Variants in THNSL1 observed in about 807,000 individuals in gnomAD.
THNSL1 encodes the protein threonine synthase like 1.
In THNSL1, 48 loss-of-function variants were observed where a neutral mutation model predicts 50.4. The observed-to-expected ratio is 0.95, with a 90% CI of 0.76 to 1.21. THNSL1 has a LOEUF of 1.21. THNSL1 is among the 50% of genes most tolerant of loss of function. The probability of loss-of-function intolerance (pLI) is 0.00; values close to 1 mark genes in which losing one functional copy is unlikely to be tolerated. For missense variants in THNSL1, 896 were observed against 871.7 expected, an observed-to-expected ratio of 1.03 and a Z score of -0.35; for synonymous variants, 309 against 306.1, an observed-to-expected ratio of 1.01 and a Z score of -0.10.
the THNSL1 span, among the ~76,000 whole-genome samples, chr10:24,969,346 T>C: frequency 6.6e-6 from 1 of 152,218 alleles, no homozygotes; most frequent in South Asian, 2.1e-4. Flanking sequence ...TATGAACGTT[T>C]CATAACTCTT....
At chr10:24,984,407 C>A in the THNSL1 span, 1 of 1,546,278 alleles carries the variant, frequency 6.5e-7, no homozygotes. Context: ...AAGTGAAGTT[C>A]TGAGTGCTGA....
chr10:24,994,776 C>T, the THNSL1 span, among the ~76,000 whole-genome samples: 1 of 152,066 alleles, frequency 6.6e-6, no homozygotes, highest in African/African-American at 2.4e-5. Flanking sequence ...AATCCCAGCA[C>T]TTTGGGAGGC....
At chr10:25,019,807 GA>G (rs564421789) in intron 1 of THNSL1, among the ~76,000 whole-genome samples, 198 of 152,286 alleles carry the variant, frequency 1.3e-3, no homozygotes, top group Middle Eastern at 0.01. Flanking sequence ...TGCACTACCA[GA>G]AATTTCCCTC....
the THNSL1 span, chr10:24,984,803 C>G: frequency 6.2e-7 from 1 of 1,613,688 alleles, no homozygotes; most frequent in Admixed American, 1.7e-5. Flanking sequence ...TGTTTCATTT[C>G]TTCTTCCAGC....
intron 1 of THNSL1, among the ~76,000 whole-genome samples, chr10:25,019,961 C>T (rs7919641): frequency 1 from 152,221 of 152,272 alleles, 76,085 homozygotes; most frequent in Middle Eastern, 1. Flanking sequence ...TGTATATTCC[C>T]GAGTGGCCAT....
chr10:24,953,276 A>C, the THNSL1 span: 1 of 148,776 alleles, frequency 6.7e-6, no homozygotes, highest in East Asian at 2.0e-4. Context: ...CCCTCATCCC[A>C]GGGCCTGGAG....
At chr10:24,993,900 A>C in the THNSL1 span, among the ~76,000 whole-genome samples, 1 of 152,172 alleles carries the variant, frequency 6.6e-6, no homozygotes, top group Non-Finnish European at 1.5e-5. Context: ...TTTTCATATG[A>C]TCATGGAGAA....
chr10:24,952,420 C>T, the THNSL1 span: 2 of 1,273,106 alleles, frequency 1.6e-6, no homozygotes, highest in South Asian at 1.3e-5. This position sits in a 1 kb window ranked among gnomAD's most constrained non-coding sequence, Gnocchi z 5.1. Context: ...GAGAACAAAG[C>T]GGTGGCCCTC....
the THNSL1 span, among the ~76,000 whole-genome samples, chr10:25,004,098 A>G: frequency 6.6e-6 from 1 of 152,236 alleles, no homozygotes; most frequent in Admixed American, 6.5e-5. Context: ...CCTGCAAAGA[A>G]TACGATCTCA....
chr10:25,017,868 G>A (rs961838055), intron 1 of THNSL1, among the ~76,000 whole-genome samples: 1 of 152,156 alleles, frequency 6.6e-6, no homozygotes, highest in Non-Finnish European at 1.5e-5. Context: ...CCTCCTGTAT[G>A]TACGAAGATT....
chr10:24,964,814 G>A, the THNSL1 span, among the ~76,000 whole-genome samples: 3 of 152,142 alleles, frequency 2.0e-5, no homozygotes, highest in Admixed American at 6.5e-5. Flanking sequence ...TGTAATCCTA[G>A]CACTTTTGAA....
chr10:25,022,576 TC>T (rs1446041329), intron 2 of THNSL1, among the ~76,000 whole-genome samples: 1 of 152,234 alleles, frequency 6.6e-6, no homozygotes, highest in Non-Finnish European at 1.5e-5. Context: ...CATACCTTTG[TC>T]CTGTAGTTTG....
chr10:25,019,359 A>G (rs925944258), intron 1 of THNSL1, among the ~76,000 whole-genome samples: 5 of 152,304 alleles, frequency 3.3e-5, no homozygotes, highest in Admixed American at 6.5e-5. Context: ...CTTTAGTCCC[A>G]GCTACTTGGG....
chr10:24,999,269 T>C, the THNSL1 span: 1 of 861,168 alleles, frequency 1.2e-6, no homozygotes, highest in Non-Finnish European at 1.7e-6. Flanking sequence ...CACTTTCTCC[T>C]AGTCAAATTC....
chr10:24,985,951 C>G, the THNSL1 span, among the ~76,000 whole-genome samples: 1 of 152,164 alleles, frequency 6.6e-6, no homozygotes, highest in Non-Finnish European at 1.5e-5. Flanking sequence ...GCCTGTAGTC[C>G]CAGCTACCTG....
At chr10:25,018,541 A>G (rs946069079) in intron 1 of THNSL1, among the ~76,000 whole-genome samples, 1 of 152,230 alleles carries the variant, frequency 6.6e-6, no homozygotes, top group Non-Finnish European at 1.5e-5. Context: ...TGCTTCAAAG[A>G]AACTTGATTT....
chr10:25,009,740 T>C, the THNSL1 span, among the ~76,000 whole-genome samples: 1 of 152,200 alleles, frequency 6.6e-6, no homozygotes, highest in African/African-American at 2.4e-5. Context: ...TTTCCCATGC[T>C]GTTCTTGGGA....
chr10:24,986,934 T>C, the THNSL1 span, among the ~76,000 whole-genome samples: 4,204 of 152,320 alleles, frequency 0.028, 131 homozygotes, highest in African/African-American at 0.074. Context: ...TCGTTCATTT[T>C]GGAAAAAATT....
At chr10:24,974,082 A>G in the THNSL1 span, among the ~76,000 whole-genome samples, 1 of 151,992 alleles carries the variant, frequency 6.6e-6, no homozygotes, top group Non-Finnish European at 1.5e-5. Context: ...ACAGACATGT[A>G]AAAAAAATTG....
Sources: gnomAD v4.1 joint callset for allele counts (sites outside exome capture counted in the v4.1 genomes callset) on GRCh38, gnomAD v4.1.1 for gene constraint, Gnocchi (gnomAD v3.1) non-coding constraint, MANE v1.5 for transcripts, NCBI Gene and HGNC (gene_info 2026-07-23, HGNC 2026-07-21) for gene names.